SNX29: variants seen among roughly 807,000 people sequenced by gnomAD.
SNX29 encodes sorting nexin 29, also known as sorting nexin-29.
SNX29 carries 78 observed loss-of-function variants against 102.1 expected under a neutral mutation model. The observed-to-expected ratio is 0.76, with a 90% CI of 0.64 to 0.92. SNX29 has a LOEUF of 0.92. SNX29 is among the 40% of genes least tolerant of loss of function. The pLI, the probability that SNX29 is intolerant of heterozygous loss-of-function variation, is 0.00. For missense variants in SNX29, 1,280 were observed against 1,061.7 expected (o/e 1.21, Z -2.86); for synonymous variants, 580 against 414.5 (o/e 1.40, Z -4.85).
At chr16:12,083,568 T>C (rs928949289) in intron 11 of SNX29, among the ~76,000 whole-genome samples, 1 of 152,176 alleles carries the variant, frequency 6.6e-6, no homozygotes, top group African/African-American at 2.4e-5. Context: ...ATTAAGGCCT[T>C]GTCTCCATAT....
At chr16:12,533,518 G>A (rs903191853) in intron 20 of SNX29, among the ~76,000 whole-genome samples, 13 of 152,162 alleles carry the variant, frequency 8.5e-5, no homozygotes, top group Admixed American at 2.6e-4. Flanking sequence ...AGAGCAGCCC[G>A]TCAGCCACTG....
At position 12,063,668 on chromosome 16, in the gene SNX29, C is replaced by T. The variant is rs116039062; in HGVS notation, c.1243+2022C>T. On this transcript the variant is annotated intron_variant, in intron 9 of 20. Coordinates refer to ENST00000566228, the MANE Select transcript of SNX29 (RefSeq NM_032167.5). ...TGCTGGGATTATAGGCATGAGCCAC[C>T]GTGCCCGGCCTTTTCTAGTCCGTCT... Among the ~76,000 whole-genome samples, 1,404 of 152,168 alleles carry T rather than the reference C, an allele frequency of 9.2e-3. 21 individuals carry two copies. Among genetic ancestry groups the T allele is most frequent in the African/African-American group, 0.031 (1,284 of 41,520 alleles).
chr16:12,123,668 A>G (rs989101854), intron 11 of SNX29, among the ~76,000 whole-genome samples: 9 of 152,286 alleles, frequency 5.9e-5, no homozygotes, highest in Non-Finnish European at 1.0e-4. Context: ...AGCGGCCCCA[A>G]CTGATTGGCA....
intron 20 of SNX29, among the ~76,000 whole-genome samples, chr16:12,534,130 C>G (rs1016994463): frequency 6.6e-6 from 1 of 152,242 alleles, no homozygotes; most frequent in African/African-American, 2.4e-5. Flanking sequence ...ACCAGGACAG[C>G]TCCAACACCA....
intron 19 of SNX29, among the ~76,000 whole-genome samples, chr16:12,504,168 G>T (rs2089262140): frequency 6.6e-6 from 1 of 152,100 alleles, no homozygotes; most frequent in Non-Finnish European, 1.5e-5. Context: ...GTAGTCTTTT[G>T]TGAGTGGCTT....
At chr16:12,077,476 A>G (rs901406174) in intron 10 of SNX29, among the ~76,000 whole-genome samples, 21 of 151,534 alleles carry the variant, frequency 1.4e-4, no homozygotes, top group African/African-American at 4.1e-4. Flanking sequence ...CAAAGACACT[A>G]AACTTTATTT....
At chr16:12,462,014 T>TCACACACACACAC (rs1374785171) in intron 18 of SNX29, among the ~76,000 whole-genome samples, 1 of 59,436 alleles carries the variant, frequency 1.7e-5, no homozygotes, top group East Asian at 6.9e-4. Context: ...TATATATATG[T>TCACACACACACAC]ATACACACAC....
rs3826100 is a variant in SNX29, at chr16:12,570,413, A to C, written c.*1784A>C. 0.24 allele frequency: 64,038 copies of C among 269,640 alleles called. 8,125 individuals carry two copies. Among genetic ancestry groups the C allele is most frequent in the East Asian group, 0.44 (7,239 of 16,616 alleles). The allele number at this position is 269,640 out of a possible 1,614,324, so 16.7% of individuals were successfully genotyped here. Reference sequence around the variant, plus strand: ...AAGGCCAGAGTGCACATCAGCTCACATGACTGGCAACTCTAAATAGAGAGC... The same window carrying C: ...AAGGCCAGAGTGCACATCAGCTCACCTGACTGGCAACTCTAAATAGAGAGC... On this transcript the variant is annotated 3_prime_UTR_variant, in exon 21 of 21. Transcript: ENST00000566228.
chr16:12,301,005 C>G (rs1368185972), intron 15 of SNX29, among the ~76,000 whole-genome samples: 1 of 152,234 alleles, frequency 6.6e-6, no homozygotes, highest in Non-Finnish European at 1.5e-5. Context: ...GAACTCTGTT[C>G]TTCCTCCTGA....
intron 19 of SNX29, among the ~76,000 whole-genome samples, chr16:12,497,754 G>T (rs2088902994): frequency 6.6e-6 from 1 of 152,120 alleles, no homozygotes; most frequent in South Asian, 2.1e-4. Context: ...CTGCCTCAAG[G>T]CTTCCATTGT....
intron 11 of SNX29, among the ~76,000 whole-genome samples, chr16:12,116,645 G>A (rs1165080113): frequency 6.6e-6 from 1 of 152,250 alleles, no homozygotes; most frequent in Admixed American, 6.5e-5. Flanking sequence ...CCATACTCCA[G>A]CCTGGGCCAC....
At chr16:12,213,128 A>G (rs1053394740) in intron 14 of SNX29, among the ~76,000 whole-genome samples, 3 of 151,694 alleles carry the variant, frequency 2.0e-5, no homozygotes, top group Admixed American at 2.0e-4. Context: ...AAAGAAAAAC[A>G]CAAACAAACA....
chr16:12,571,421 C>T lies in SNX29; in HGVS notation c.*2792C>T, dbSNP rs141814454. ...GCTTGCACCTCACATCTGTCTTCTTCTAAGATTACTCGGAGATTTTCAAAC... is the reference window on the plus strand; with the variant it reads ...GCTTGCACCTCACATCTGTCTTCTTTTAAGATTACTCGGAGATTTTCAAAC... On this transcript the variant is annotated 3_prime_UTR_variant, in exon 21 of 21. Coordinates refer to ENST00000566228, the MANE Select transcript of SNX29 (RefSeq NM_032167.5). 3.3e-4 allele frequency: 78 copies of T among 233,690 alleles called. No individual in the cohort carries two copies. The highest frequency in any genetic ancestry group is 1.7e-3 in the African/African-American group (75 of 45,340). The allele number at this position is 233,690 out of a possible 1,614,324, so 14.5% of individuals were successfully genotyped here.
At chr16:12,025,380 T>C (rs2057161240) in intron 3 of SNX29, among the ~76,000 whole-genome samples, 1 of 150,982 alleles carries the variant, frequency 6.6e-6, no homozygotes, top group African/African-American at 2.4e-5. Flanking sequence ...AAGAGTGATA[T>C]CTGCCCAGCA....
At chr16:12,424,972 C>T (rs2085005253) in intron 18 of SNX29, among the ~76,000 whole-genome samples, 1 of 152,192 alleles carries the variant, frequency 6.6e-6, no homozygotes, top group South Asian at 2.1e-4. Flanking sequence ...AATTGGGGTA[C>T]ATTCACACAG....
At chr16:12,398,145 G>C (rs923553130) in intron 16 of SNX29, among the ~76,000 whole-genome samples, 4 of 152,130 alleles carry the variant, frequency 2.6e-5, no homozygotes, top group African/African-American at 9.6e-5. Flanking sequence ...ATCCTAATTA[G>C]GCCTTTATCG....
chr16:11,979,373 C>T (rs1156344219), intron 1 of SNX29, among the ~76,000 whole-genome samples: 1 of 149,502 alleles, frequency 6.7e-6, no homozygotes, highest in Non-Finnish European at 1.5e-5. Context: ...AGGATGAAAA[C>T]CTTCTTTTGG....
chr16:12,058,923 G>C (rs927578702), intron 8 of SNX29, among the ~76,000 whole-genome samples: 1 of 150,864 alleles, frequency 6.6e-6, no homozygotes, highest in Non-Finnish European at 1.5e-5. Flanking sequence ...CCCTCCAGTA[G>C]CTGGGTCTAC....
At chr16:12,061,226 GC>G (rs962332132) in intron 8 of SNX29, among the ~76,000 whole-genome samples, 26 of 152,282 alleles carry the variant, frequency 1.7e-4, no homozygotes, top group Admixed American at 3.3e-4. Context: ...TCATGTTCAT[GC>G]CCCCCAACAG....
Sources: allele counts gnomAD v4.1 joint callset (sites outside exome capture counted in the v4.1 genomes callset), GRCh38; gene constraint gnomAD v4.1.1; transcripts MANE v1.5; gene names NCBI Gene and HGNC (gene_info 2026-07-23, HGNC 2026-07-21).